Variants in PLEKHG4B observed in about 807,000 individuals in gnomAD.
The protein encoded by PLEKHG4B is pleckstrin homology domain-containing family G member 4B.
In PLEKHG4B, 111 loss-of-function variants were observed where a neutral mutation model predicts 121.3. The observed-to-expected ratio is 0.92, with a 90% CI of 0.78 to 1.07. PLEKHG4B has a LOEUF of 1.07. Ranked by LOEUF, PLEKHG4B falls within the 50% of genes least tolerant of loss-of-function variation. The pLI is 0.00. For missense variants in PLEKHG4B, 1,831 were observed against 1,757.8 expected (o/e 1.04, Z -0.74); for synonymous variants, 738 against 725.0 (o/e 1.02, Z -0.29).
intron 2 of PLEKHG4B, among the ~76,000 whole-genome samples, chr5:131,128 T>TA (rs964163319): frequency 6.6e-6 from 1 of 151,960 alleles, no homozygotes; most frequent in Non-Finnish European, 1.5e-5. Context: ...CTTTTTTTTT[T>TA]ACTTTAAATT....
At chr5:112,489 T>A (rs1443477774) in intron 1 of PLEKHG4B, among the ~76,000 whole-genome samples, 47 of 152,250 alleles carry the variant, frequency 3.1e-4, no homozygotes, top group Non-Finnish European at 4.4e-5. Flanking sequence ...GACATGAGCC[T>A]TGTGGTATTT....
intron 2 of PLEKHG4B, among the ~76,000 whole-genome samples, chr5:115,338 C>A (rs1477861348): frequency 6.6e-6 from 1 of 152,154 alleles, no homozygotes; most frequent in Non-Finnish European, 1.5e-5. Context: ...GTGCTGTCAT[C>A]CAGGCTTTGT....
intron 11 of PLEKHG4B, among the ~76,000 whole-genome samples, chr5:160,794 T>A (rs185515451): frequency 9.8e-5 from 15 of 152,286 alleles, no homozygotes; most frequent in Non-Finnish European, 2.1e-4. Flanking sequence ...TTCCACAAAG[T>A]TGGAGGCCAG....
chr5:156,755 C>T lies in PLEKHG4B; in HGVS notation c.2349-18C>T. The T allele has an allele frequency of 6.5e-7, 1 of 1,542,954 alleles. No individual in the cohort carries two copies. The highest frequency in any genetic ancestry group is 1.2e-5 in the South Asian group (1 of 83,764). The stretch of plus-strand genomic sequence containing the variant: ...AAGGGGCCGCCTGGAAGCCTGAGGA[C>T]TGCCTTCTCTTCCTCAGGGACACCC... On this transcript the variant is annotated intron_variant, in intron 10 of 19. Transcript: ENST00000637938. The surrounding 1 kb of genome is among the most constrained non-coding windows in gnomAD (Gnocchi z 4.4).
chr5:145,285 T>C (rs1199323082), intron 6 of PLEKHG4B, among the ~76,000 whole-genome samples: 1 of 152,224 alleles, frequency 6.6e-6, no homozygotes, highest in African/African-American at 2.4e-5. Context: ...CTGCCCCCGC[T>C]ATGCCCCTCT....
chr5:98,837 C>CGTTTTTTT (rs1733706850), intron 1 of PLEKHG4B, among the ~76,000 whole-genome samples: 2 of 79,298 alleles, frequency 2.5e-5, no homozygotes, highest in African/African-American at 5.2e-5. Flanking sequence ...TTGAATTTTC[C>CGTTTTTTT]TTTTTTTTTT....
At chr5:166,430 C>T (rs1429087605) in intron 13 of PLEKHG4B, among the ~76,000 whole-genome samples, 1 of 92,662 alleles carries the variant, frequency 1.1e-5, no homozygotes, top group African/African-American at 3.7e-5. Flanking sequence ...TCTGACGGGG[C>T]GGAGCTCACA....
At chr5:110,823 C>T (rs1047172538) in intron 1 of PLEKHG4B, among the ~76,000 whole-genome samples, 10 of 152,268 alleles carry the variant, frequency 6.6e-5, no homozygotes, top group Non-Finnish European at 1.2e-4. Flanking sequence ...CTCATGATCT[C>T]GTAAACTGGA....
intron 6 of PLEKHG4B, among the ~76,000 whole-genome samples, chr5:150,683 G>A (rs150270059): frequency 1.7e-3 from 265 of 152,218 alleles, no homozygotes; most frequent in African/African-American, 6.1e-3. Flanking sequence ...TATGCCTAAC[G>A]TCATTAATCA....
At chr5:153,661 A>C (rs151330085) in intron 7 of PLEKHG4B, among the ~76,000 whole-genome samples, 205 of 151,698 alleles carry the variant, frequency 1.4e-3, no homozygotes, top group Non-Finnish European at 2.4e-3. Context: ...AAAGATGCCC[A>C]TTTTCTTATT....
intron 2 of PLEKHG4B, among the ~76,000 whole-genome samples, chr5:123,657 AT>A (rs1734531004): frequency 6.6e-6 from 1 of 152,186 alleles, no homozygotes; most frequent in African/African-American, 2.4e-5. Flanking sequence ...TGTACAGCTA[AT>A]AATAATTTTT....
intron 2 of PLEKHG4B, among the ~76,000 whole-genome samples, chr5:120,337 C>T (rs567964436): frequency 1.3e-5 from 2 of 152,334 alleles, no homozygotes; most frequent in South Asian, 4.1e-4. Flanking sequence ...CATCGTCTAA[C>T]AGTCTTAAAA....
At chr5:180,760 A>G (rs1008314262) in intron 18 of PLEKHG4B, among the ~76,000 whole-genome samples, 2 of 152,172 alleles carry the variant, frequency 1.3e-5, no homozygotes, top group African/African-American at 2.4e-5. Flanking sequence ...TGTCCTGTTC[A>G]CTGCCCAACT....
chr5:122,828 T>G (rs1734508543), intron 2 of PLEKHG4B, among the ~76,000 whole-genome samples: 1 of 152,126 alleles, frequency 6.6e-6, no homozygotes, highest in Non-Finnish European at 1.5e-5. Context: ...TAAGTAAGAT[T>G]TCAAGACAAT....
intron 1 of PLEKHG4B, among the ~76,000 whole-genome samples, chr5:108,194 T>C (rs1734032331): frequency 6.6e-6 from 1 of 152,200 alleles, no homozygotes; most frequent in Non-Finnish European, 1.5e-5. Flanking sequence ...TCTCTAAATC[T>C]ACTCAGGTGA....
chr5:134,036 A>G (rs1323052504), intron 2 of PLEKHG4B, among the ~76,000 whole-genome samples: 1 of 142,534 alleles, frequency 7.0e-6, no homozygotes, highest in Non-Finnish European at 1.5e-5. Context: ...GAATATATAT[A>G]GATAGAATAT....
rs559383476 is a variant in PLEKHG4B, at chr5:169,656, G to T, written c.3729+64G>T. The T allele has an allele frequency of 2.8e-5, 45 of 1,584,978 alleles. No homozygotes were observed. The Admixed American group carries it at 3.7e-4, about 13-fold the overall frequency. ...TGGGTGAAGCCGGTGTCAGAGAGGC[G>T]GGGCCTACAGGGCCCACGTGTCAGG... On this transcript the variant is annotated intron_variant, in intron 14 of 19. Coordinates refer to ENST00000637938, the MANE Select transcript of PLEKHG4B (RefSeq NM_052909.5).
intron 11 of PLEKHG4B, among the ~76,000 whole-genome samples, chr5:161,170 G>T (rs2126433752): frequency 6.6e-6 from 1 of 152,332 alleles, no homozygotes; most frequent in East Asian, 1.9e-4. Flanking sequence ...AAGAACCTTG[G>T]TCTTGTCACC....
intron 7 of PLEKHG4B, among the ~76,000 whole-genome samples, chr5:154,053 T>C (rs1299153436): frequency 6.6e-6 from 1 of 152,032 alleles, no homozygotes; most frequent in East Asian, 1.9e-4. Flanking sequence ...GTCGCCAGGC[T>C]GGAGTGCAGT....
Sources: allele counts gnomAD v4.1 joint callset (sites outside exome capture counted in the v4.1 genomes callset), GRCh38; gene constraint gnomAD v4.1.1; non-coding constraint Gnocchi (gnomAD v3.1); transcripts MANE v1.5; gene names NCBI Gene and HGNC (gene_info 2026-07-23, HGNC 2026-07-21).